ATRX: variants seen among roughly 807,000 people sequenced by gnomAD.
ATRX encodes the protein ATRX chromatin remodeler, also known as chromatin remodeler ATRX.
A neutral mutation model predicts 172.6 loss-of-function variants in ATRX; 12 were observed. The ratio of observed to expected loss-of-function variants is 0.07; its 90% CI spans 0.04 to 0.11. The LOEUF (loss-of-function observed/expected upper bound fraction) is 0.11. Among genes scored for constraint, ATRX ranks in the 10% least tolerant of loss-of-function variants. The probability of loss-of-function intolerance (pLI) is 1.00; values close to 1 mark genes in which losing one functional copy is unlikely to be tolerated. For synonymous variants in ATRX, 674 were observed against 594.7 expected, an observed-to-expected ratio of 1.13 and a Z score of -1.94; for missense variants, 1,368 against 1,767.4, an observed-to-expected ratio of 0.77 and a Z score of 4.05.
Position 77,717,194 on chromosome X carries a change from G to A in ATRX, c.70C>T (p.His24Tyr), listed in dbSNP as rs1191670776. The A allele has an allele frequency of 8.3e-7, 1 of 1,211,145 alleles. No individual in the cohort carries two copies. Among genetic ancestry groups the A allele is most frequent in the Non-Finnish European group, 1.1e-6 (1 of 895,041 alleles). ...GTTTCTTCAGATTCTTCTGATGAGTGTGCAAGGAAGTCATGAAGCTTCTGC... is the reference window on the plus strand; with the variant it reads ...GTTTCTTCAGATTCTTCTGATGAGTATGCAAGGAAGTCATGAAGCTTCTGC... ...LVQKLHDFLA[H>Y]SSEESEETSS... The change falls in exon 2 of 35, where the codon CAC (histidine) becomes TAC (tyrosine). Residue 24 changes from histidine (H) to tyrosine (Y), a missense_variant. Transcript: ENST00000373344.
intron 19 of ATRX, 91 bp downstream of exon 19, chrX:77,633,116 A>G: frequency 1.1e-6 from 1 of 920,412 alleles, no homozygotes. Context: ...AAGACCAGAT[A>G]CTTAGTAGCT....
chrX:77,554,786 A>G (rs782057350), intron 30 of ATRX, among the ~76,000 whole-genome samples: 1 of 111,996 alleles, frequency 8.9e-6, no homozygotes, highest in South Asian at 3.7e-4. Flanking sequence ...TCACATCAGC[A>G]CTTCATTCTT....
intron 15 of ATRX, among the ~76,000 whole-genome samples, chrX:77,647,305 G>C (rs1388757463): frequency 8.9e-6 from 1 of 112,011 alleles, no homozygotes; most frequent in African/African-American, 3.2e-5. Flanking sequence ...AAGGCATACA[G>C]TAGAAAAGAA....
chrX:77,661,349 T>C (rs1365324586), intron 12 of ATRX, among the ~76,000 whole-genome samples: 2 of 110,686 alleles, frequency 1.8e-5, no homozygotes, highest in Non-Finnish European at 3.8e-5. Flanking sequence ...ATAGCTGTTA[T>C]ACAAAAAATT....
intron 34 of ATRX, among the ~76,000 whole-genome samples, chrX:77,515,424 G>GA (rs371969105): frequency 1.3e-3 from 136 of 105,078 alleles, no homozygotes; most frequent in African/African-American, 4.1e-3. Flanking sequence ...CAGGAGGGGT[G>GA]AAAAAAAAAA....
intron 21 of ATRX, among the ~76,000 whole-genome samples, chrX:77,617,297 G>C (rs2067394029): frequency 8.9e-6 from 1 of 111,770 alleles, no homozygotes; most frequent in South Asian, 3.7e-4. Context: ...GTGCTAAATA[G>C]AAATTACTCC....
intron 15 of ATRX, among the ~76,000 whole-genome samples, chrX:77,651,227 A>G (rs2069218055): frequency 1.0e-5 from 1 of 98,594 alleles, no homozygotes; most frequent in Non-Finnish European, 2.1e-5. Context: ...CAAAAAAAAA[A>G]AAAAAAAAAA....
chrX:77,683,094 T>A lies in ATRX; in HGVS notation c.2162A>T (p.Gln721Leu), dbSNP rs2148605406. ...TGAATTTTGATCCACAGTCTCTGAT[T>A]GCTTAGATTTTGGCAATTTATTAGG... ...PKPNKLPKSK[Q>L]SETVDQNSDS... is the part of the protein sequence containing the mutation. The change falls in exon 9 of 35, where the codon CAA (glutamine) becomes CTA (leucine). Residue 721 changes from glutamine (Q) to leucine (L), a missense_variant. Physicochemically the swap from Gln to Leu is moderately radical, Grantham distance 113 (BLOSUM62 -2). Coordinates refer to ENST00000373344, the MANE Select transcript of ATRX (RefSeq NM_000489.6). 1 of 1,211,033 alleles carries A rather than the reference T, an allele frequency of 8.3e-7. No homozygotes were observed. Among genetic ancestry groups the A allele is most frequent in the Non-Finnish European group, 1.1e-6 (1 of 895,085 alleles).
At chrX:77,546,225 A>G (rs980638408) in intron 30 of ATRX, among the ~76,000 whole-genome samples, 2 of 111,549 alleles carry the variant, frequency 1.8e-5, no homozygotes, top group Admixed American at 9.6e-5. Flanking sequence ...TTCATCAGAA[A>G]ATAGAAAAAA....
At chrX:77,719,977 G>C (rs2073661596) in intron 1 of ATRX, among the ~76,000 whole-genome samples, 1 of 111,350 alleles carries the variant, frequency 9.0e-6, no homozygotes, top group Non-Finnish European at 1.9e-5. Context: ...AATCATAACA[G>C]TCTCTCAGAC....
At chrX:77,758,475 G>A (rs1192398754) in intron 1 of ATRX, among the ~76,000 whole-genome samples, 9 of 108,304 alleles carry the variant, frequency 8.3e-5, no homozygotes, top group African/African-American at 1.7e-4. Context: ...GGAAATGCTC[G>A]CCGGGCACGG....
chrX:77,542,310 TAAAG>T lies in ATRX; in HGVS notation c.6699+15137_6699+15140del, dbSNP rs1557051239. 4.5e-5 allele frequency among the ~76,000 whole-genome samples: 5 copies of T among 110,942 alleles called. No homozygotes were observed. The South Asian group carries it at 1.5e-3, about 33-fold the overall frequency. On this transcript the variant is annotated intron_variant, in intron 30 of 34. Transcript: ENST00000373344. ...AACTACAAACCACTGTTCAAGGAAATAAAGAGAGGACACAAACAAATGGAAAAAC... is the reference window on the plus strand; with the variant it reads ...AACTACAAACCACTGTTCAAGGAAATAGAGGACACAAACAAATGGAAAAAC...
chrX:77,671,240 C>T (rs781886873), intron 10 of ATRX, among the ~76,000 whole-genome samples: 8 of 88,865 alleles, frequency 9.0e-5, no homozygotes, highest in East Asian at 7.1e-4. Context: ...GTGGAATTCA[C>T]GAGATAATAA....
intron 27 of ATRX, among the ~76,000 whole-genome samples, chrX:77,584,073 C>T (rs781942023): frequency 9.0e-6 from 1 of 110,726 alleles, no homozygotes; most frequent in Non-Finnish European, 1.9e-5. Flanking sequence ...GAAAGTAATC[C>T]CATGTACAAT....
intron 17 of ATRX, 174 bp downstream of exon 17, chrX:77,634,420 T>C: frequency 2.4e-6 from 1 of 425,437 alleles, no homozygotes. Context: ...ATATTTCTTA[T>C]TTGATTAGCA....
chrX:77,540,909 A>G (rs1436225393), intron 30 of ATRX, among the ~76,000 whole-genome samples: 2 of 111,683 alleles, frequency 1.8e-5, no homozygotes, highest in Non-Finnish European at 3.8e-5. Flanking sequence ...TAAAAGAACT[A>G]GAGAAGCAAG....
chrX:77,571,131 G>GC (rs2065397109), intron 28 of ATRX, among the ~76,000 whole-genome samples: 1 of 111,878 alleles, frequency 8.9e-6, no homozygotes. Flanking sequence ...AAATGGTACA[G>GC]CCATTCTAAT....
At chrX:77,623,098 CA>C (rs1216528781) in intron 19 of ATRX, among the ~76,000 whole-genome samples, 2 of 110,750 alleles carry the variant, frequency 1.8e-5, no homozygotes, top group Non-Finnish European at 3.8e-5. Flanking sequence ...ACAAAAAATA[CA>C]AAAGATAAAT....
At chrX:77,517,268 C>T (rs999742910) in intron 34 of ATRX, among the ~76,000 whole-genome samples, 1 of 111,188 alleles carries the variant, frequency 9.0e-6, no homozygotes, top group Non-Finnish European at 1.9e-5. Context: ...ATAAACAAAA[C>T]TGACAAACCA....
Sources: allele counts gnomAD v4.1 joint callset (sites outside exome capture counted in the v4.1 genomes callset), GRCh38; gene constraint gnomAD v4.1.1; transcripts MANE v1.5; gene names NCBI Gene and HGNC (gene_info 2026-07-23, HGNC 2026-07-21).